DOCK2: variants seen among roughly 807,000 people sequenced by gnomAD.
The protein encoded by DOCK2 is dedicator of cytokinesis 2.
A neutral mutation model predicts 248.9 loss-of-function variants in DOCK2; 87 were observed. The observed-to-expected ratio is 0.35, with a 90% CI of 0.29 to 0.42. The LOEUF is 0.42. Ranked by LOEUF, DOCK2 falls within the 10% of genes least tolerant of loss-of-function variation. DOCK2 has a pLI of 1.00. For missense variants in DOCK2, 1,747 were observed against 2,300.2 expected (o/e 0.76, Z 4.92); for synonymous variants, 805 against 821.6 (o/e 0.98, Z 0.35).
At chr5:169,743,509 A>G (rs1763441681) in intron 22 of DOCK2, among the ~76,000 whole-genome samples, 1 of 152,236 alleles carries the variant, frequency 6.6e-6, no homozygotes, top group Non-Finnish European at 1.5e-5. Flanking sequence ...CTTAACGCTG[A>G]TTAAATGCCA....
intron 27 of DOCK2, among the ~76,000 whole-genome samples, chr5:169,971,446 T>G (rs1483714027): frequency 8.0e-6 from 1 of 125,772 alleles, no homozygotes; most frequent in Non-Finnish European, 1.6e-5. Context: ...TTTTTTTTTT[T>G]CATGAAAGAC....
chr5:169,744,904 C>T (rs889296665), intron 22 of DOCK2, among the ~76,000 whole-genome samples: 3 of 152,090 alleles, frequency 2.0e-5, no homozygotes, highest in Non-Finnish European at 4.4e-5. Context: ...GGCAGAACTC[C>T]CCACCACACA....
intron 27 of DOCK2, among the ~76,000 whole-genome samples, chr5:169,940,845 G>A (rs958379892): frequency 6.6e-6 from 1 of 152,218 alleles, no homozygotes; most frequent in East Asian, 1.9e-4. Context: ...CCACAGACTG[G>A]TACCAGTTCA....
At position 169,852,432 on chromosome 5, in the gene DOCK2, G is replaced by A. The variant is rs1283475686; in HGVS notation, c.2799+11580G>A. Among the ~76,000 whole-genome samples the A allele has an allele frequency of 3.3e-5, 5 of 152,214 alleles. 1 individual carries two copies. The highest frequency in any genetic ancestry group is 4.1e-4 in the South Asian group (2 of 4,828). ...ATTGCTTTCCAAGTGCTGTGGAACT[G>A]GGGACAAGCTATGTGGTTTGAAAGG... is the stretch of plus-strand genomic sequence containing the variant. On this transcript the variant is annotated intron_variant, in intron 27 of 51. Coordinates refer to ENST00000520908, the MANE Select transcript of DOCK2 (RefSeq NM_004946.3).
At chr5:169,891,478 A>T (rs972478542) in intron 27 of DOCK2, among the ~76,000 whole-genome samples, 4 of 152,220 alleles carry the variant, frequency 2.6e-5, no homozygotes, top group Non-Finnish European at 4.4e-5. Flanking sequence ...GATTTTCAAA[A>T]TTCCCTTAGC....
Position 170,045,839 on chromosome 5 carries a change from G to A in DOCK2, c.3900G>A (p.Leu1300=), listed in dbSNP as rs751907585. ...AGATGTGGGAAGAGGCCATAAGTCT[G>A]TGCAAGGAGCTGGCGGAACAGTACG... ...KGKMWEEAIS[L]CKELAEQYEM... The change falls in exon 39 of 52, where the codon CTG becomes CTA. Residue 1300 remains leucine, a synonymous_variant. Coordinates refer to ENST00000520908, the MANE Select transcript of DOCK2 (RefSeq NM_004946.3). 6.2e-6 allele frequency: 10 copies of A among 1,614,034 alleles called. No homozygotes were observed. Among genetic ancestry groups the A allele is most frequent in the Non-Finnish European group, 7.6e-6 (9 of 1,180,030 alleles).
intron 27 of DOCK2, among the ~76,000 whole-genome samples, chr5:169,853,443 A>T (rs1770717251): frequency 6.6e-6 from 1 of 152,176 alleles, no homozygotes; most frequent in South Asian, 2.1e-4. Flanking sequence ...ATCAAAACCC[A>T]TTTTTCCAGA....
chr5:170,067,803 C>CTGGGGACA, intron 45 of DOCK2, 117 bp downstream of exon 45: 2 of 1,158,592 alleles, frequency 1.7e-6, no homozygotes, highest in Non-Finnish European at 2.4e-6. Flanking sequence ...TCCTTGTCCC[C>CTGGGGACA]AGAGGGACCC....
chr5:169,650,163 C>A (rs549987861), intron 1 of DOCK2, among the ~76,000 whole-genome samples: 97 of 152,116 alleles, frequency 6.4e-4, no homozygotes, highest in Non-Finnish European at 1.2e-3. Context: ...TATCTAGCAC[C>A]CAGTAGGTAC....
At chr5:169,846,597 T>TATATATATAC (rs1561758924) in intron 27 of DOCK2, among the ~76,000 whole-genome samples, 5 of 104,986 alleles carry the variant, frequency 4.8e-5, no homozygotes, top group African/African-American at 2.4e-4. Context: ...TATATATATA[T>TATATATATAC]ACACACACAT....
chr5:169,876,774 T>C (rs1772361332), intron 27 of DOCK2, among the ~76,000 whole-genome samples: 1 of 152,216 alleles, frequency 6.6e-6, no homozygotes, highest in African/African-American at 2.4e-5. Flanking sequence ...CCAGGAGTGG[T>C]GGTGTACACT....
intron 22 of DOCK2, among the ~76,000 whole-genome samples, 170 bp downstream of exon 22, chr5:169,718,961 T>G (rs2291270): frequency 0.33 from 49,474 of 152,088 alleles, 9,288 homozygotes; most frequent in East Asian, 0.6. Context: ...TTGTACCCTC[T>G]AAGTTCATTT....
At chr5:169,911,782 G>A (rs1165235054) in intron 27 of DOCK2, among the ~76,000 whole-genome samples, 1 of 152,094 alleles carries the variant, frequency 6.6e-6, no homozygotes, top group Non-Finnish European at 1.5e-5. Context: ...TGGCATATTG[G>A]GTCACCAAGT....
At chr5:170,059,770 C>T (rs114302021) in intron 44 of DOCK2, among the ~76,000 whole-genome samples, 2,383 of 152,208 alleles carry the variant, frequency 0.016, 56 homozygotes, top group African/African-American at 0.055. Context: ...ATGCAGACAC[C>T]CGTAATGTCT....
chr5:169,787,878 C>T (rs1264023974), intron 25 of DOCK2, among the ~76,000 whole-genome samples: 1 of 151,464 alleles, frequency 6.6e-6, no homozygotes, highest in Non-Finnish European at 1.5e-5. Flanking sequence ...TCATGAGCAC[C>T]ACCAAATAAA....
intron 46 of DOCK2, among the ~76,000 whole-genome samples, chr5:170,074,003 T>A (rs146543176): frequency 6.6e-6 from 1 of 152,160 alleles, no homozygotes; most frequent in African/African-American, 2.4e-5. Flanking sequence ...CGCTGTTCTT[T>A]TACTAATATC....
At chr5:169,937,075 GT>G in intron 27 of DOCK2, among the ~76,000 whole-genome samples, 1 of 152,304 alleles carries the variant, frequency 6.6e-6, no homozygotes, top group East Asian at 1.9e-4. Context: ...AGAGTAATTG[GT>G]AGGTGACTCC....
intron 25 of DOCK2, among the ~76,000 whole-genome samples, chr5:169,797,243 T>C (rs994803056): frequency 6.6e-6 from 1 of 152,164 alleles, no homozygotes; most frequent in African/African-American, 2.4e-5. Context: ...CAGATATGGT[T>C]TTTAGAAGTG....
chr5:169,731,555 A>G (rs187611583), intron 22 of DOCK2, among the ~76,000 whole-genome samples: 5 of 152,290 alleles, frequency 3.3e-5, no homozygotes, highest in Admixed American at 2.6e-4. Context: ...TGTCTTTATC[A>G]GCAACACGAA....
Sources: allele counts gnomAD v4.1 joint callset (sites outside exome capture counted in the v4.1 genomes callset), GRCh38; gene constraint gnomAD v4.1.1; transcripts MANE v1.5; gene names NCBI Gene and HGNC (gene_info 2026-07-23, HGNC 2026-07-21).